Variants in KPNA3 observed in about 807,000 individuals in gnomAD.
KPNA3 encodes karyopherin subunit alpha 3.
In KPNA3, 13 loss-of-function variants were observed where a neutral mutation model predicts 73.8. That is an observed-to-expected ratio of 0.18 (90% CI 0.11 to 0.28). The LOEUF (loss-of-function observed/expected upper bound fraction) is 0.28. Among genes scored for constraint, KPNA3 ranks in the 10% least tolerant of loss-of-function variants. The pLI is 1.00. For synonymous variants in KPNA3, 186 were observed against 206.9 expected, an observed-to-expected ratio of 0.90 and a Z score of 0.87; for missense variants, 360 against 618.1, an observed-to-expected ratio of 0.58 and a Z score of 4.43.
At chr13:49,771,379 A>T (rs1954854344) in intron 1 of KPNA3, among the ~76,000 whole-genome samples, 1 of 152,208 alleles carries the variant, frequency 6.6e-6, no homozygotes, top group Non-Finnish European at 1.5e-5. Flanking sequence ...TGAATTCCTG[A>T]TAAAGAAAAT....
At chr13:49,736,970 TTGTC>T (rs1954527553) in intron 2 of KPNA3, among the ~76,000 whole-genome samples, 1 of 152,188 alleles carries the variant, frequency 6.6e-6, no homozygotes, top group South Asian at 2.1e-4. Flanking sequence ...CTCAGTATAA[TTGTC>T]TGGAGATTTA....
intron 6 of KPNA3, among the ~76,000 whole-genome samples, chr13:49,727,052 T>TG (rs1566340449): frequency 6.6e-6 from 1 of 152,008 alleles, no homozygotes; most frequent in Non-Finnish European, 1.5e-5. Context: ...TACCAAGGAT[T>TG]GGGGGGATTT....
chr13:49,734,954 T>TAGATAGAGAGAGAG (rs144444749), intron 2 of KPNA3, among the ~76,000 whole-genome samples: 29 of 145,840 alleles, frequency 2.0e-4, no homozygotes, highest in Non-Finnish European at 3.6e-4. Flanking sequence ...GAGAGATAGA[T>TAGATAGAGAGAGAG]AGAGAGAGAG....
At chr13:49,763,144 G>T (rs1395889233) in intron 1 of KPNA3, among the ~76,000 whole-genome samples, 1 of 152,006 alleles carries the variant, frequency 6.6e-6, no homozygotes, top group East Asian at 1.9e-4. Flanking sequence ...ACAGAAAAAT[G>T]GAAGTAAAAT....
At chr13:49,774,761 C>G (rs551238642) in intron 1 of KPNA3, among the ~76,000 whole-genome samples, 1 of 152,314 alleles carries the variant, frequency 6.6e-6, no homozygotes, top group East Asian at 1.9e-4. Context: ...GGTGATAAAC[C>G]TGGCTATGCC....
At chr13:49,763,299 A>G (rs1954783658) in intron 1 of KPNA3, among the ~76,000 whole-genome samples, 1 of 152,224 alleles carries the variant, frequency 6.6e-6, no homozygotes, top group Non-Finnish European at 1.5e-5. Flanking sequence ...TTTTACAGCA[A>G]ATTTAAAGTA....
At chr13:49,740,927 T>C (rs1954567981) in intron 2 of KPNA3, among the ~76,000 whole-genome samples, 1 of 152,174 alleles carries the variant, frequency 6.6e-6, no homozygotes, top group East Asian at 1.9e-4. Flanking sequence ...GGCTTATTTC[T>C]GGTAATGTAA....
chr13:49,711,983 C>T (rs1954263956), intron 10 of KPNA3, among the ~76,000 whole-genome samples: 1 of 152,198 alleles, frequency 6.6e-6, no homozygotes, highest in African/African-American at 2.4e-5. Flanking sequence ...GTCTGGACCT[C>T]TTGCCTCAAG....
At chr13:49,716,680 C>T (rs955719218) in intron 10 of KPNA3, among the ~76,000 whole-genome samples, 8 of 152,040 alleles carry the variant, frequency 5.3e-5, no homozygotes, top group Non-Finnish European at 7.4e-5. Context: ...TCAAGTGATC[C>T]ACTGTCCTCA....
At chr13:49,788,180 C>T (rs954966523) in intron 1 of KPNA3, among the ~76,000 whole-genome samples, 2 of 152,176 alleles carry the variant, frequency 1.3e-5, no homozygotes, top group Non-Finnish European at 2.9e-5. Flanking sequence ...CACTGATATA[C>T]TGTAAACAAT....
At chr13:49,708,668 T>C (rs1200386031) in intron 12 of KPNA3, among the ~76,000 whole-genome samples, 1 of 152,178 alleles carries the variant, frequency 6.6e-6, no homozygotes, top group Non-Finnish European at 1.5e-5. Context: ...ATGTGGTGTA[T>C]ACATACAATG....
At chr13:49,776,638 A>G (rs893329771) in intron 1 of KPNA3, among the ~76,000 whole-genome samples, 17 of 152,228 alleles carry the variant, frequency 1.1e-4, no homozygotes, top group Admixed American at 3.3e-4. Flanking sequence ...AAAAATAACT[A>G]TAAGTGAATA....
intron 1 of KPNA3, among the ~76,000 whole-genome samples, chr13:49,782,838 G>C (rs567334535): frequency 1.3e-5 from 2 of 151,860 alleles, no homozygotes; most frequent in African/African-American, 4.8e-5. Context: ...CTCCAGCCTG[G>C]GTGACAGAGC....
intron 4 of KPNA3, 45 bp from the exon 5 acceptor site, chr13:49,732,702 A>G (rs1029447351): frequency 1.3e-6 from 2 of 1,585,348 alleles, no homozygotes; most frequent in Non-Finnish European, 1.7e-6. Flanking sequence ...AAAAAAAATC[A>G]ATTTCAAAAT....
chr13:49,726,609 G>C (rs1032106386), intron 6 of KPNA3, among the ~76,000 whole-genome samples: 1 of 152,066 alleles, frequency 6.6e-6, no homozygotes, highest in Admixed American at 6.5e-5. Flanking sequence ...CAAATCAATG[G>C]TATGCAGAAT....
intron 2 of KPNA3, among the ~76,000 whole-genome samples, chr13:49,740,561 T>G (rs1226902355): frequency 6.6e-6 from 1 of 152,104 alleles, no homozygotes; most frequent in Non-Finnish European, 1.5e-5. Context: ...CTGCACAAGC[T>G]CTCTTGTCTG....
rs1223339794 is a variant in KPNA3 at position 49,706,221 on chromosome 13, G to A, written c.1137+47C>T. 8 of 1,609,202 alleles carry A rather than the reference G, an allele frequency of 5.0e-6. No homozygotes were observed. The South Asian group carries it at 8.8e-5, about 18-fold the overall frequency. ...ATGGACTCTTTATCCAAAAAGTCTTGGTTATTAACAGATTAACAGACACGG... is the reference window on the plus strand; with the variant it reads ...ATGGACTCTTTATCCAAAAAGTCTTAGTTATTAACAGATTAACAGACACGG... On this transcript the variant is annotated intron_variant, in intron 13 of 16. Coordinates refer to ENST00000261667, the MANE Select transcript of KPNA3 (RefSeq NM_002267.4).
intron 12 of KPNA3, 63 bp from the exon 13 acceptor site, chr13:49,706,435 A>C (rs1954208213): frequency 9.4e-7 from 1 of 1,062,320 alleles, no homozygotes; most frequent in East Asian, 2.6e-5. Context: ...TGTCTTTCTA[A>C]TATATTTTAT....
At chr13:49,775,172 A>G (rs12873312) in intron 1 of KPNA3, among the ~76,000 whole-genome samples, 2 of 79,176 alleles carry the variant, frequency 2.5e-5, no homozygotes, top group African/African-American at 3.5e-5. Flanking sequence ...CAAAAAAAAA[A>G]AAAAAAAAAA....
Sources: allele counts gnomAD v4.1 joint callset (sites outside exome capture counted in the v4.1 genomes callset), GRCh38; gene constraint gnomAD v4.1.1; transcripts MANE v1.5; gene names NCBI Gene and HGNC (gene_info 2026-07-23, HGNC 2026-07-21).